Variants in USP42 observed in about 807,000 individuals in gnomAD.
USP42 encodes ubiquitin carboxyl-terminal hydrolase 42.
A neutral mutation model predicts 113.0 loss-of-function variants in USP42; 23 were observed. The observed-to-expected ratio is 0.20, with a 90% CI of 0.15 to 0.29. The LOEUF (loss-of-function observed/expected upper bound fraction) is 0.29, where lower values mean the gene tolerates loss of function less well. Ranked by LOEUF, USP42 falls within the 10% of genes least tolerant of loss-of-function variation. The pLI is 1.00. For synonymous variants in USP42, 933 were observed against 699.0 expected (o/e 1.33, Z -5.28); for missense variants, 2,174 against 1,779.8 (o/e 1.22, Z -3.99).
Position 6,159,343 on chromosome 7 carries a change from G to A in USP42, c.3944-107G>A. 1 of 1,483,084 alleles carries A rather than the reference G, an allele frequency of 6.7e-7. No individual in the cohort carries two copies. Among genetic ancestry groups the A allele is most frequent in the Non-Finnish European group, 9.3e-7 (1 of 1,075,340 alleles). 91.9% of individuals were successfully genotyped at this position (1,483,084 alleles called of 1,614,324 possible). On this transcript the variant is annotated intron_variant, in intron 16 of 17. Coordinates refer to ENST00000306177, the MANE Select transcript of USP42 (RefSeq NM_032172.3). The surrounding 1 kb of genome is among the most constrained non-coding windows in gnomAD (Gnocchi z 4.1). ...GGGGAGTGGCCTCAGGCGCTCACAG[G>A]GAACCGCAGTGACTCTGACCATAGC...
At chr7:6,149,429 T>G (rs1360730646) in intron 12 of USP42, among the ~76,000 whole-genome samples, 154 bp from the exon 13 acceptor site, 1 of 151,274 alleles carries the variant, frequency 6.6e-6, no homozygotes, top group South Asian at 2.1e-4. Flanking sequence ...GTAGGAGGGA[T>G]TGAGAAAAAC....
Position 6,104,959 on chromosome 7 carries a change from G to A in USP42, c.-83G>A. 6.6e-6 allele frequency: 1 copy of A among 151,088 alleles called. No homozygotes were observed. The highest frequency in any genetic ancestry group is 1.5e-5 in the Non-Finnish European group (1 of 68,876). 9.4% of individuals were successfully genotyped at this position (151,088 alleles called of 1,614,324 possible). ...GGATGGAGGCACGTCATTGTCCCCC[G>A]CCGGGCGGCTGGGCTGTGTGCGGCG... On this transcript the variant is annotated 5_prime_UTR_variant, in exon 1 of 18. Transcript: ENST00000306177.
Position 6,158,978 on chromosome 7 carries a change from C to T in USP42, c.3944-472C>T, listed in dbSNP as rs1378276914. 2.6e-5 allele frequency among the ~76,000 whole-genome samples: 4 copies of T among 152,112 alleles called. No individual in the cohort carries two copies. The highest frequency in any genetic ancestry group is 5.9e-5 in the Non-Finnish European group (4 of 68,012). On this transcript the variant is annotated intron_variant, in intron 16 of 17. Coordinates refer to ENST00000306177, the MANE Select transcript of USP42 (RefSeq NM_032172.3). This position sits in a 1 kb window ranked among gnomAD's most constrained non-coding sequence, Gnocchi z 4.2. Reference sequence around the variant, plus strand: ...TGGCCCTGTGTTTCCGTCCCCGTCCCACTGCACCGATGACAGGGTTTGCAG... The same window carrying T: ...TGGCCCTGTGTTTCCGTCCCCGTCCTACTGCACCGATGACAGGGTTTGCAG...
At chr7:6,091,179 C>T in the USP42 span, among the ~76,000 whole-genome samples, 4 of 151,020 alleles carry the variant, frequency 2.6e-5, no homozygotes, top group African/African-American at 7.4e-5. Flanking sequence ...ATTGTCAGTA[C>T]ATAGAGATTA....
the USP42 span, among the ~76,000 whole-genome samples, chr7:6,097,462 C>T: frequency 7.4e-5 from 11 of 147,714 alleles, no homozygotes; most frequent in East Asian, 5.9e-4. Flanking sequence ...TGAAGTGTGC[C>T]GTTGCATGAT....
rs1238012027 is a variant in USP42, at chr7:6,140,930, C to T, written c.741C>T (p.Cys247=). 1 of 1,559,500 alleles carries T rather than the reference C, an allele frequency of 6.4e-7. No homozygotes were observed. Among genetic ancestry groups the T allele is most frequent in the Admixed American group, 1.8e-5 (1 of 54,628 alleles). The change falls in exon 7 of 18, where the codon TGC becomes TGT. Residue 247 remains cysteine (C), a synonymous_variant. Coordinates refer to ENST00000306177, the MANE Select transcript of USP42 (RefSeq NM_032172.3). The part of the protein sequence containing the change: ...YLRSRVKCLN[C]KGVSDTFDPY... ...TTATTTCAGTCAAATGTTTAAATTG[C>T]AAGGGCGTTTCAGATACTTTTGATC...
chr7:6,110,381 A>G (rs1351714379), intron 1 of USP42, among the ~76,000 whole-genome samples: 1 of 152,162 alleles, frequency 6.6e-6, no homozygotes, highest in Non-Finnish European at 1.5e-5. Flanking sequence ...CCAGCAGTTG[A>G]TGCAATGCCC....
At chr7:6,122,788 G>T (rs117382189) in intron 3 of USP42, among the ~76,000 whole-genome samples, 4,119 of 149,342 alleles carry the variant, frequency 0.028, 107 homozygotes, top group East Asian at 0.069. Flanking sequence ...TTTTTAAATA[G>T]AGATAGGGTC....
At chr7:6,133,644 G>C (rs1780971957) in intron 3 of USP42, among the ~76,000 whole-genome samples, 1 of 151,700 alleles carries the variant, frequency 6.6e-6, no homozygotes, top group African/African-American at 2.4e-5. Flanking sequence ...ATCAGCCTCT[G>C]GAGTAGCTGA....
rs1266440417 is a variant in USP42, at chr7:6,159,511, C to G, written c.*36+18C>G. On this transcript the variant is annotated intron_variant, in intron 17 of 17. Transcript: ENST00000306177. The surrounding 1 kb of genome is among the most constrained non-coding windows in gnomAD (Gnocchi z 4.1). ...TAGTTATGGTAAGCTGTTTTCCTGT[C>G]TGTTTCCTCATTGTTTGTGGTGGCG... is the stretch of plus-strand genomic sequence containing the variant. 2 of 1,610,544 alleles carry G rather than the reference C, an allele frequency of 1.2e-6. No individual in the cohort carries two copies. Among genetic ancestry groups the G allele is most frequent in the East Asian group, 2.2e-5 (1 of 44,868 alleles).
rs1202569960 is a variant in USP42, at chr7:6,153,939, C to G, written c.2385C>G (p.Ala795=). Residue 795 remains alanine, a synonymous_variant, in exon 15 of 18, where the codon GCC becomes GCG. Coordinates refer to ENST00000306177, the MANE Select transcript of USP42 (RefSeq NM_032172.3). Reference sequence around the variant, plus strand: ...AAGAAGGCGCCTGGGAGGCCATGGCCGTCGCCCCCGAGGAGCCTCCGCCCA... The same window carrying G: ...AAGAAGGCGCCTGGGAGGCCATGGCGGTCGCCCCCGAGGAGCCTCCGCCCA... The part of the protein sequence containing the change: ...ATKEGAWEAM[A]VAPEEPPPSA... 1 of 1,598,206 alleles carries G rather than the reference C, an allele frequency of 6.3e-7. No homozygotes were observed. The highest frequency in any genetic ancestry group is 8.5e-7 in the Non-Finnish European group (1 of 1,175,240).
intron 1 of USP42, among the ~76,000 whole-genome samples, chr7:6,109,927 C>G (rs1341526811): frequency 1.3e-5 from 2 of 151,666 alleles, no homozygotes; most frequent in Non-Finnish European, 2.9e-5. Context: ...TCTCAAACGC[C>G]TGACCTCAGG....
At chr7:6,113,096 G>C (rs1434789496) in intron 2 of USP42, among the ~76,000 whole-genome samples, 1 of 151,650 alleles carries the variant, frequency 6.6e-6, no homozygotes. Context: ...GTAGAGACGG[G>C]GTTTCACCAT....
chr7:6,086,260 T>C, the USP42 span, among the ~76,000 whole-genome samples: 23 of 142,712 alleles, frequency 1.6e-4, 1 homozygote, highest in African/African-American at 5.0e-4. Context: ...GGCTGGAGTG[T>C]AGTGGCGCGA....
At chr7:6,117,480 C>G (rs192389991) in intron 3 of USP42, among the ~76,000 whole-genome samples, 1 of 152,118 alleles carries the variant, frequency 6.6e-6, no homozygotes, top group South Asian at 2.1e-4. Context: ...CACTTTGTGC[C>G]GTTACAAATT....
rs547986631 is a variant in USP42, at chr7:6,113,147, G to A, written c.241+1773G>A. Among the ~76,000 whole-genome samples the A allele has an allele frequency of 2.0e-4, 31 of 151,906 alleles. No homozygotes were observed. The Middle Eastern group carries it at 0.024, about 117-fold the overall frequency. On this transcript the variant is annotated intron_variant, in intron 2 of 17. Transcript: ENST00000306177. ...TTCAAACTTATAATCCACCCGCCTCGGCCTCCCAGAGTGCTGGGATTACAG... is the reference window on the plus strand; with the variant it reads ...TTCAAACTTATAATCCACCCGCCTCAGCCTCCCAGAGTGCTGGGATTACAG...
intron 14 of USP42, 46 bp from the exon 15 acceptor site, chr7:6,153,710 G>A: frequency 7.0e-7 from 1 of 1,425,850 alleles, no homozygotes; most frequent in Non-Finnish European, 9.2e-7. Context: ...ACATGAGCCT[G>A]TCAAGCCCAC....
intron 14 of USP42, chr7:6,152,980 A>T: frequency 1.0e-6 from 1 of 985,232 alleles, no homozygotes. Context: ...GAAGAACTAG[A>T]GGAATTGCGG....
chr7:6,135,817 G>T, intron 3 of USP42, 24 bp from the exon 4 acceptor site: 1 of 1,517,408 alleles, frequency 6.6e-7, no homozygotes, highest in Non-Finnish European at 9.0e-7. Context: ...TTGCTAATTT[G>T]GAGGATTATC....
Sources: gnomAD v4.1 joint callset for allele counts (sites outside exome capture counted in the v4.1 genomes callset) on GRCh38, gnomAD v4.1.1 for gene constraint, Gnocchi (gnomAD v3.1) non-coding constraint, MANE v1.5 for transcripts, NCBI Gene and HGNC (gene_info 2026-07-23, HGNC 2026-07-21) for gene names.